Variants in ZNF660 observed in about 807,000 individuals in gnomAD.
ZNF660 encodes the protein zinc finger protein 660.
ZNF660 carries 24 observed loss-of-function variants against 23.2 expected under a neutral mutation model. The ratio of observed to expected loss-of-function variants is 1.04; its 90% confidence interval spans 0.75 to 1.46. The LOEUF is 1.46. ZNF660 is among the 40% of genes most tolerant of loss of function. ZNF660 has a pLI of 0.00. For missense variants in ZNF660, 373 were observed against 396.8 expected (o/e 0.94, Z 0.51); for synonymous variants, 117 against 131.4 (o/e 0.89, Z 0.75).
In ZNF660 at chr3:44,597,755, C is replaced by T. The variant is rs1431349265; in HGVS notation, c.*2566C>T. ...TTTTGTCTTAGAAGACTATGATCTT[C>T]AAGAGTATATCTCAAGGAAGGATAT... On this transcript the variant is annotated 3_prime_UTR_variant, in exon 3 of 3. Transcript: ENST00000322734. The surrounding 1 kb of genome is among the most constrained non-coding windows in gnomAD (Gnocchi z 4.1). 1.3e-5 allele frequency: 2 copies of T among 152,194 alleles called. No individual in the cohort carries two copies. Among genetic ancestry groups the T allele is most frequent in the South Asian group, 4.1e-4 (2 of 4,830 alleles). The allele number at this position is 152,194 out of a possible 1,614,324, so 9.4% of individuals were successfully genotyped here.
chr3:44,585,515 AG>A (rs1462625107), intron 1 of ZNF660, among the ~76,000 whole-genome samples: 1 of 152,192 alleles, frequency 6.6e-6, no homozygotes, highest in Admixed American at 6.5e-5. Flanking sequence ...TGTACAGGAC[AG>A]AACTAAATTC....
intron 2 of ZNF660, among the ~76,000 whole-genome samples, chr3:44,591,283 C>G (rs186260669): frequency 3.2e-4 from 48 of 152,280 alleles, no homozygotes; most frequent in Admixed American, 1.5e-3. Flanking sequence ...TGCACACCAC[C>G]ATGCCTAGCT....
At chr3:44,588,266 G>A (rs1477978892) in intron 2 of ZNF660, among the ~76,000 whole-genome samples, 1 of 152,054 alleles carries the variant, frequency 6.6e-6, no homozygotes, top group Admixed American at 6.5e-5. Context: ...GCAAGAGCAA[G>A]GCAGAGGGAT....
In ZNF660 at chr3:44,594,272, T is replaced by C. The variant is rs755542142; in HGVS notation, c.79T>C (p.Ser27Pro). The C allele has an allele frequency of 1.9e-6, 3 of 1,613,908 alleles. No homozygotes were observed. The South Asian group carries it at 3.3e-5, about 18-fold the overall frequency. ...ACTCACAGAAGGGAGTGACCAAGAA[T>C]CTGAAAAAGACAATAGTCAGTGCTG... Reference protein sequence around the residue: ...KVLTEGSDQESEKDNSQCCDP... With the variant: ...KVLTEGSDQEPEKDNSQCCDP... The change falls in exon 3 of 3, where the codon TCT (serine) becomes CCT (proline). Residue 27 changes from serine (S) to proline (P), a missense_variant. Coordinates refer to ENST00000322734, the MANE Select transcript of ZNF660 (RefSeq NM_173658.4).
rs1410344130 is a variant in ZNF660 at position 44,596,689 on chromosome 3, T to C, written c.*1500T>C. 1 of 152,218 alleles carries C rather than the reference T, an allele frequency of 6.6e-6. No homozygotes were observed. The highest frequency in any genetic ancestry group is 1.9e-4 in the East Asian group (1 of 5,194). 9.4% of individuals were successfully genotyped at this position (152,218 alleles called of 1,614,324 possible). A position where few individuals can be genotyped will look rare whatever the true frequency, so the allele number is the denominator to read the frequency against. On this transcript the variant is annotated 3_prime_UTR_variant, in exon 3 of 3. Transcript: ENST00000322734. The stretch of plus-strand genomic sequence containing the variant: ...ATGGTGGCAAGACAGTGGCCACAGC[T>C]GCATCTTGCCTTCACACAACTCCTT...
At chr3:44,587,903 A>C (rs1298531348) in intron 2 of ZNF660, among the ~76,000 whole-genome samples, 1 of 152,118 alleles carries the variant, frequency 6.6e-6, no homozygotes, top group Non-Finnish European at 1.5e-5. Context: ...AAAATACAAA[A>C]AATTAGCTGG....
chr3:44,588,018 G>A (rs765880303), intron 2 of ZNF660, among the ~76,000 whole-genome samples: 10 of 152,180 alleles, frequency 6.6e-5, no homozygotes, highest in Non-Finnish European at 1.2e-4. Context: ...TCACGCCATT[G>A]CACTCTAGCC....
chr3:44,592,702 TCA>T (rs1325136911), intron 2 of ZNF660, among the ~76,000 whole-genome samples: 4 of 152,204 alleles, frequency 2.6e-5, no homozygotes, highest in Non-Finnish European at 5.9e-5. Flanking sequence ...TTAAGTAGTC[TCA>T]GTCTGTCAGA....
At chr3:44,590,968 G>GTA (rs1559441118) in intron 2 of ZNF660, among the ~76,000 whole-genome samples, 2 of 152,154 alleles carry the variant, frequency 1.3e-5, no homozygotes, top group East Asian at 3.8e-4. Context: ...GAGTTTGTGT[G>GTA]TATGTGCCTG....
chr3:44,594,935 T>G lies in ZNF660; in HGVS notation c.742T>G (p.Cys248Gly), dbSNP rs757264455. The G allele has an allele frequency of 6.2e-7, 1 of 1,614,080 alleles. No individual in the cohort carries two copies. The highest frequency in any genetic ancestry group is 8.5e-7 in the Non-Finnish European group (1 of 1,180,026). Reference sequence around the variant, plus strand: ...TCATCGTAGAGAGAAACCTTACAAATGTAATGAGTGTGGGAAGGCTTTTAC... The same window carrying G: ...TCATCGTAGAGAGAAACCTTACAAAGGTAATGAGTGTGGGAAGGCTTTTAC... ...RLHRREKPYKCNECGKAFTSN... is the reference protein window; with the variant it reads ...RLHRREKPYKGNECGKAFTSN... The change falls in exon 3 of 3, where the codon TGT becomes GGT. Residue 248 changes from cysteine to glycine, a missense_variant. Transcript: ENST00000322734.
intron 2 of ZNF660, among the ~76,000 whole-genome samples, chr3:44,591,833 T>TA (rs1454400033): frequency 6.6e-6 from 1 of 152,066 alleles, no homozygotes; most frequent in Middle Eastern, 3.2e-3. Flanking sequence ...CATTTCTACT[T>TA]AAAAAATACA....
At position 44,595,058 on chromosome 3, in the gene ZNF660, G is replaced by A; in HGVS notation, c.865G>A (p.Val289Ile). Reference sequence around the variant, plus strand: ...GAAAACCTTCAGGCAGACTTCTCAAGTTATTCTACACTTGAGAACCCACAC... The same window carrying A: ...GAAAACCTTCAGGCAGACTTCTCAAATTATTCTACACTTGAGAACCCACAC... ...CGKTFRQTSQ[V>I]ILHLRTHTKE... Residue 289 changes from valine to isoleucine, a missense_variant, in exon 3 of 3, where the codon GTT (valine) becomes ATT (isoleucine). Coordinates refer to ENST00000322734, the MANE Select transcript of ZNF660 (RefSeq NM_173658.4). The A allele has an allele frequency of 1.2e-6, 2 of 1,613,110 alleles. No homozygotes were observed. Among genetic ancestry groups the A allele is most frequent in the Non-Finnish European group, 1.7e-6 (2 of 1,179,678 alleles).
chr3:44,594,488 A>T lies in ZNF660; in HGVS notation c.295A>T (p.Ile99Phe). 1 of 1,614,210 alleles carries T rather than the reference A, an allele frequency of 6.2e-7. No individual in the cohort carries two copies. The highest frequency in any genetic ancestry group is 8.5e-7 in the Non-Finnish European group (1 of 1,180,030). ...HSSNLVVHRR[I>F]HTGLKPYTCS... ...CTCTAACCTTGTTGTTCATCGGAGA[A>T]TCCACACTGGACTGAAGCCCTATAC... Residue 99 changes from isoleucine to phenylalanine, a missense_variant, in exon 3 of 3, where the codon ATC (isoleucine) becomes TTC (phenylalanine). Transcript: ENST00000322734.
At position 44,596,941 on chromosome 3, in the gene ZNF660, T is replaced by G. The variant is rs1339929828; in HGVS notation, c.*1752T>G. On this transcript the variant is annotated 3_prime_UTR_variant, in exon 3 of 3. Coordinates refer to ENST00000322734, the MANE Select transcript of ZNF660 (RefSeq NM_173658.4). ...TTAAGTGCTTAGCTCAAAGTCACTC[T>G]GAAACACTTAGAATCTCCCTATTTT... is the stretch of plus-strand genomic sequence containing the variant. The G allele has an allele frequency of 6.6e-6, 1 of 152,256 alleles. No individual in the cohort carries two copies. The highest frequency in any genetic ancestry group is 2.4e-5 in the African/African-American group (1 of 41,460). 9.4% of individuals were successfully genotyped at this position (152,256 alleles called of 1,614,324 possible). A position where few individuals can be genotyped will look rare whatever the true frequency, so the allele number is the denominator to read the frequency against.
At chr3:44,589,485 C>CCATTT (rs1177402721) in intron 2 of ZNF660, among the ~76,000 whole-genome samples, 11 of 152,266 alleles carry the variant, frequency 7.2e-5, no homozygotes, top group Non-Finnish European at 1.5e-5. Flanking sequence ...CCTCTGTTTT[C>CCATTT]CATTTCATTA....
chr3:44,588,159 G>A (rs925350825), intron 2 of ZNF660, among the ~76,000 whole-genome samples: 1 of 152,146 alleles, frequency 6.6e-6, no homozygotes, highest in Non-Finnish European at 1.5e-5. Flanking sequence ...CAGGAAGCAC[G>A]GTGCCAGCAT....
chr3:44,599,476 TAA>T lies in ZNF660; in HGVS notation c.*4288_*4289del, dbSNP rs909441977. ...TAGTAGCTGTTGAATCTAAATCCCTTAAGACTAAATTTCATTGCAGCTCTGTA... is the reference window on the plus strand; with the variant it reads ...TAGTAGCTGTTGAATCTAAATCCCTTGACTAAATTTCATTGCAGCTCTGTA... On this transcript the variant is annotated 3_prime_UTR_variant, in exon 3 of 3. Transcript: ENST00000322734. 4.6e-5 allele frequency: 7 copies of T among 152,194 alleles called. No homozygotes were observed. Among genetic ancestry groups the T allele is most frequent in the African/African-American group, 1.4e-4 (6 of 41,438 alleles). The allele number at this position is 152,194 out of a possible 1,614,324, so 9.4% of individuals were successfully genotyped here. A position where few individuals can be genotyped will look rare whatever the true frequency, so the allele number is the denominator to read the frequency against.
In ZNF660 at chr3:44,598,012, C is replaced by T. The variant is rs1700669760; in HGVS notation, c.*2823C>T. The T allele has an allele frequency of 6.6e-6, 1 of 152,246 alleles. No individual in the cohort carries two copies. Among genetic ancestry groups the T allele is most frequent in the Non-Finnish European group, 1.5e-5 (1 of 68,088 alleles). The allele number at this position is 152,246 out of a possible 1,614,324, so 9.4% of individuals were successfully genotyped here. A position where few individuals can be genotyped will look rare whatever the true frequency, so the allele number is the denominator to read the frequency against. ...TTCTCCGGGAGTCTCCCAGGGTTACCAACTTTTACCTCAGTCAGAGTTTAG... is the reference window on the plus strand; with the variant it reads ...TTCTCCGGGAGTCTCCCAGGGTTACTAACTTTTACCTCAGTCAGAGTTTAG... On this transcript the variant is annotated 3_prime_UTR_variant, in exon 3 of 3. Coordinates refer to ENST00000322734, the MANE Select transcript of ZNF660 (RefSeq NM_173658.4).
chr3:44,593,875 T>A, intron 2 of ZNF660, 139 bp from the exon 3 acceptor site: 1 of 413,564 alleles, frequency 2.4e-6, no homozygotes, highest in Non-Finnish European at 4.6e-6. Context: ...TAACTTCATT[T>A]TTGTCATCTT....
Sources: gnomAD v4.1 joint callset for allele counts (sites outside exome capture counted in the v4.1 genomes callset) on GRCh38, gnomAD v4.1.1 for gene constraint, Gnocchi (gnomAD v3.1) non-coding constraint, MANE v1.5 for transcripts, NCBI Gene and HGNC (gene_info 2026-07-23, HGNC 2026-07-21) for gene names.